RFT1: variants seen among roughly 807,000 people sequenced by gnomAD.
The protein encoded by RFT1 is man(5)GlcNAc(2)-PP-dolichol translocation protein RFT1.
Under a neutral mutation model 62.2 loss-of-function variants are expected in RFT1, and 43 were observed. The observed-to-expected ratio is 0.69, with a 90% CI of 0.54 to 0.89. RFT1 has a LOEUF of 0.89. Ranked by LOEUF, RFT1 falls within the 40% of genes least tolerant of loss-of-function variation. The pLI, the probability that RFT1 is intolerant of heterozygous loss-of-function variation, is 0.00. For synonymous variants in RFT1, 262 were observed against 264.6 expected (o/e 0.99, Z 0.10); for missense variants, 605 against 649.9 (o/e 0.93, Z 0.75).
chr3:53,109,682 G>A (rs548890556), intron 7 of RFT1, among the ~76,000 whole-genome samples: 1 of 152,228 alleles, frequency 6.6e-6, no homozygotes, highest in East Asian at 1.9e-4. Context: ...GTAATGGTAG[G>A]TGCCTTGCCT....
downstream of RFT1, among the ~76,000 whole-genome samples, chr3:53,084,118 G>A (rs1700809464): frequency 6.6e-6 from 1 of 152,238 alleles, no homozygotes; most frequent in South Asian, 2.1e-4. Context: ...CCGGGCTCTG[G>A]TGAGGGAAGA....
chr3:53,077,422 C>T, the RFT1 span, among the ~76,000 whole-genome samples: 1 of 152,234 alleles, frequency 6.6e-6, no homozygotes, highest in South Asian at 2.1e-4. Flanking sequence ...TAAGGGGCTG[C>T]ACCCCATGCC....
rs773978880 is a variant in RFT1 at position 53,122,480 on chromosome 3, G to A, written c.350C>T (p.Pro117Leu). The A allele has an allele frequency of 4.3e-6, 7 of 1,613,958 alleles. No individual in the cohort carries two copies. The South Asian group carries it at 6.6e-5, about 15-fold the overall frequency. The change falls in exon 4 of 13, where the codon CCT becomes CTT. Residue 117 changes from proline (P) to leucine (L), a missense_variant. Transcript: ENST00000296292. Reference sequence around the variant, plus strand: ...CAGCACCACTCCAGTTGCATAGTGAGGGACAACATTAGGATCAGGCACTTC... The same window carrying A: ...CAGCACCACTCCAGTTGCATAGTGAAGGACAACATTAGGATCAGGCACTTC... ...LLEVPDPNVV[P>L]HYATGVVLFG...
rs1575509044 is a variant in RFT1 at position 53,130,199 on chromosome 3, G to T, written c.63+139C>A. The T allele has an allele frequency of 3.5e-6, 3 of 860,956 alleles. No individual in the cohort carries two copies. The East Asian group carries it at 7.9e-5, about 23-fold the overall frequency. 53.3% of individuals were successfully genotyped at this position (860,956 alleles called of 1,614,324 possible). On this transcript the variant is annotated intron_variant, in intron 1 of 12. Transcript: ENST00000296292. ...CCCCTCATCAATGCCACCGTCTCCGGTCGACCCCCCCACCCCCTCCATTGC... is the reference window on the plus strand; with the variant it reads ...CCCCTCATCAATGCCACCGTCTCCGTTCGACCCCCCCACCCCCTCCATTGC...
the RFT1 span, among the ~76,000 whole-genome samples, chr3:53,078,647 C>A: frequency 6.6e-6 from 1 of 152,146 alleles, no homozygotes; most frequent in Non-Finnish European, 1.5e-5. Flanking sequence ...GAGGCTGAGG[C>A]TAGAGGATCA....
Position 53,123,790 on chromosome 3 carries a change from C to T in RFT1, c.200G>A (p.Arg67His), listed in dbSNP as rs753527390. 3.0e-5 allele frequency: 49 copies of T among 1,614,166 alleles called. No individual in the cohort carries two copies. The Admixed American group carries it at 4.7e-4, about 15-fold the overall frequency. ...TTLFLAREAF[R>H]RACLSGGTQR... is the part of the protein sequence containing the mutation. ...GGTGCCCCCACTGAGACATGCTCTG[C>T]GGAAGGCCTCTCTGGCCAGGAAGAG... The change falls in exon 3 of 13, where the codon CGC (arginine) becomes CAC (histidine). Residue 67 changes from arginine (R) to histidine (H), a missense_variant. Coordinates refer to ENST00000296292, the MANE Select transcript of RFT1 (RefSeq NM_052859.4).
intron 7 of RFT1, among the ~76,000 whole-genome samples, chr3:53,111,359 T>TA (rs1224194887): frequency 1.3e-5 from 2 of 150,562 alleles, no homozygotes; most frequent in African/African-American, 2.4e-5. Context: ...TGAGCCAAGA[T>TA]AGCACCACTG....
chr3:53,102,186 G>A (rs902757153), intron 10 of RFT1, among the ~76,000 whole-genome samples: 2 of 152,208 alleles, frequency 1.3e-5, no homozygotes, highest in Non-Finnish European at 2.9e-5. Flanking sequence ...GTCAAGGAAC[G>A]CCAGGATGCC....
Position 53,126,010 on chromosome 3 carries a change from A to G in RFT1, c.64-16T>C, listed in dbSNP as rs773512206. 1.7e-5 allele frequency: 27 copies of G among 1,581,750 alleles called. No individual in the cohort carries two copies. Among genetic ancestry groups the G allele is most frequent in the African/African-American group, 5.4e-5 (4 of 74,258 alleles). ...GAAACAACACCTATAGAAAAAGAGG[A>G]AAAATACGTAAGAATAAATGACGTT... On this transcript the variant is annotated splice_polypyrimidine_tract_variant and intron_variant, in intron 1 of 12. Coordinates refer to ENST00000296292, the MANE Select transcript of RFT1 (RefSeq NM_052859.4).
the RFT1 span, among the ~76,000 whole-genome samples, chr3:53,074,363 G>A: frequency 6.6e-6 from 1 of 152,104 alleles, no homozygotes; most frequent in Non-Finnish European, 1.5e-5. Context: ...CATGTATTAC[G>A]TGTCCAGGAG....
At chr3:53,082,610 G>A in the RFT1 span, among the ~76,000 whole-genome samples, 1 of 152,202 alleles carries the variant, frequency 6.6e-6, no homozygotes, top group Non-Finnish European at 1.5e-5. Context: ...AGGGAAAATC[G>A]AGTCACTTCT....
chr3:53,073,249 C>T, the RFT1 span, among the ~76,000 whole-genome samples: 1 of 152,240 alleles, frequency 6.6e-6, no homozygotes, highest in East Asian at 1.9e-4. Context: ...GTGCCCACAT[C>T]CCATGCTTCC....
chr3:53,114,901 T>C (rs545610233), intron 6 of RFT1, among the ~76,000 whole-genome samples: 1 of 152,298 alleles, frequency 6.6e-6, no homozygotes, highest in Non-Finnish European at 1.5e-5. Context: ...AGCCACATCC[T>C]TACCACAATG....
intron 10 of RFT1, chr3:53,103,110 T>C (rs958060472): frequency 4.1e-6 from 4 of 985,322 alleles, no homozygotes; most frequent in Admixed American, 6.1e-5. Context: ...TGCTCTGGTA[T>C]AGAAACCTGG....
chr3:53,105,611 CCTGT>C (rs1483772634), intron 9 of RFT1, 58 bp downstream of exon 9: 20 of 1,566,558 alleles, frequency 1.3e-5, no homozygotes, highest in African/African-American at 2.7e-5. Context: ...GCTTCACACT[CCTGT>C]CTGTCTTGCA....
intron 11 of RFT1, among the ~76,000 whole-genome samples, chr3:53,098,357 A>C (rs75217232): frequency 1.9e-5 from 2 of 106,958 alleles, no homozygotes; most frequent in African/African-American, 1.2e-4. Context: ...GTAGCAAACA[A>C]AGTCCCCAAT....
At chr3:53,086,303 TG>T (rs536777481), downstream of RFT1, among the ~76,000 whole-genome samples, 8 of 152,058 alleles carry the variant, frequency 5.3e-5, no homozygotes, top group Non-Finnish European at 1.0e-4. Flanking sequence ...CTTGTTCAGT[TG>T]CTTTTTTTTC....
chr3:53,125,525 C>T (rs765533948), intron 2 of RFT1, among the ~76,000 whole-genome samples: 4 of 152,216 alleles, frequency 2.6e-5, no homozygotes, highest in Non-Finnish European at 5.9e-5. Flanking sequence ...CATTATGAAG[C>T]GCATCCTCAC....
At position 53,126,014 on chromosome 3, in the gene RFT1, A is replaced by T. The variant is rs771380369; in HGVS notation, c.64-20T>A. On this transcript the variant is annotated intron_variant, in intron 1 of 12. Coordinates refer to ENST00000296292, the MANE Select transcript of RFT1 (RefSeq NM_052859.4). ...CAACACCTATAGAAAAAGAGGAAAA[A>T]TACGTAAGAATAAATGACGTTAGAA... The T allele has an allele frequency of 3.2e-6, 5 of 1,566,568 alleles. No individual in the cohort carries two copies. The East Asian group carries it at 9.0e-5, about 28-fold the overall frequency.
Sources: gnomAD v4.1 joint callset for allele counts (sites outside exome capture counted in the v4.1 genomes callset) on GRCh38, gnomAD v4.1.1 for gene constraint, MANE v1.5 for transcripts, NCBI Gene and HGNC (gene_info 2026-07-23, HGNC 2026-07-21) for gene names.